Variants in CLEC12B observed in about 807,000 individuals in gnomAD.
CLEC12B encodes C-type lectin domain family 12 member B.
Under a neutral mutation model 36.1 loss-of-function variants are expected in CLEC12B, and 25 were observed. The observed-to-expected ratio is 0.69, with a 90% CI of 0.50 to 0.97. The LOEUF (loss-of-function observed/expected upper bound fraction) is 0.97. CLEC12B is among the 50% of genes least tolerant of loss of function. The pLI, the probability that CLEC12B is intolerant of heterozygous loss-of-function variation, is 0.00. For missense variants in CLEC12B, 325 were observed against 318.4 expected (o/e 1.02, Z -0.16); for synonymous variants, 110 against 108.5 (o/e 1.01, Z -0.09).
chr12:10,011,504 T>A (rs1865326941), intron 1 of CLEC12B, among the ~76,000 whole-genome samples: 1 of 151,638 alleles, frequency 6.6e-6, no homozygotes, highest in Admixed American at 6.6e-5. Context: ...AAACTGAGGG[T>A]GAGAGAAATT....
At position 10,018,487 on chromosome 12, in the gene CLEC12B, T is replaced by C; in HGVS notation, c.*6T>C. On this transcript the variant is annotated 3_prime_UTR_variant, in exon 6 of 6. Coordinates refer to ENST00000338896, the MANE Select transcript of CLEC12B (RefSeq NM_001129998.3). ...AGACTGAGGATTTGGATTAGTATGC[T>C]TCTTCCAAATTCTCCAAGAAGTAAG... 2 of 1,547,222 alleles carry C rather than the reference T, an allele frequency of 1.3e-6. No homozygotes were observed. The highest frequency in any genetic ancestry group is 1.2e-5 in the South Asian group (1 of 82,852).
At chr12:10,008,391 G>A (rs577628534), upstream of CLEC12B, among the ~76,000 whole-genome samples, 6 of 152,174 alleles carry the variant, frequency 3.9e-5, no homozygotes, top group African/African-American at 1.4e-4. Context: ...GGTTATTGGA[G>A]GCAAATTCAA....
intron 1 of CLEC12B, among the ~76,000 whole-genome samples, chr12:10,012,405 TTTA>T (rs1253289968): frequency 6.6e-6 from 1 of 152,132 alleles, no homozygotes; most frequent in African/African-American, 2.4e-5. Context: ...TCCTTTTTAT[TTTA>T]TTATTATTAT....
In CLEC12B at chr12:10,015,281, T is replaced by G; in HGVS notation, c.439T>G (p.Trp147Gly). ...CAGATGTAATCCATGTCCTAAGATG[T>G]GGCAATGGTACCAAAATAGTTGCTA... is the stretch of plus-strand genomic sequence containing the variant. ...DHRCNPCPKMWQWYQNSCYYF... is the reference protein window; with the variant it reads ...DHRCNPCPKMGQWYQNSCYYF... The change falls in exon 4 of 6, where the codon TGG becomes GGG. Residue 147 changes from tryptophan (W) to glycine (G), a missense_variant. Trp to Gly is a radical substitution (Grantham distance 184). Coordinates refer to ENST00000338896, the MANE Select transcript of CLEC12B (RefSeq NM_001129998.3). 1 of 1,613,060 alleles carries G rather than the reference T, an allele frequency of 6.2e-7. No individual in the cohort carries two copies. Among genetic ancestry groups the G allele is most frequent in the Admixed American group, 1.7e-5 (1 of 59,988 alleles).
In CLEC12B at chr12:10,015,404, AAGGT is replaced by A. The variant is rs754737480; in HGVS notation, c.564+2_564+5del. The A allele has an allele frequency of 4.3e-6, 7 of 1,611,052 alleles. No homozygotes were observed. The Admixed American group carries it at 8.4e-5, about 19-fold the overall frequency. ...AGTGAAGATAGACAGTTTGGAAGAA[AAGGT>A]AGGATTGAGTCTCATTCTCTAGTTA... On this transcript the variant is annotated splice_donor_variant and coding_sequence_variant, in exon 4 of 6. Transcript: ENST00000338896. LOFTEE classifies it high-confidence loss of function.
At position 10,015,296 on chromosome 12, in the gene CLEC12B, A is replaced by G; in HGVS notation, c.454A>G (p.Asn152Asp). The change falls in exon 4 of 6, where the codon AAT becomes GAT. Residue 152 changes from asparagine to aspartate, a missense_variant. Transcript: ENST00000338896. ...TCCTAAGATGTGGCAATGGTACCAAAATAGTTGCTACTATTTTACAACAAA... is the reference window on the plus strand; with the variant it reads ...TCCTAAGATGTGGCAATGGTACCAAGATAGTTGCTACTATTTTACAACAAA... ...PCPKMWQWYQNSCYYFTTNEE... is the reference protein window; with the variant it reads ...PCPKMWQWYQDSCYYFTTNEE... 6.2e-7 allele frequency: 1 copy of G among 1,613,490 alleles called. No individual in the cohort carries two copies. Among genetic ancestry groups the G allele is most frequent in the Middle Eastern group, 1.7e-4 (1 of 6,056 alleles).
chr12:10,014,626 C>G lies in CLEC12B; in HGVS notation c.294C>G (p.Asn98Lys). The change falls in exon 3 of 6, where the codon AAC becomes AAG. Residue 98 changes from asparagine (N) to lysine (K), a missense_variant. Transcript: ENST00000338896. ...ATAACTTATCCCAGCAACTGGGCAA[C>G]TCCAACAACTTGTCCATGGAGGAGG... ...QQDNLSQQLGNSNNLSMEEEF... is the reference protein window; with the variant it reads ...QQDNLSQQLGKSNNLSMEEEF... The G allele has an allele frequency of 6.2e-7, 1 of 1,613,684 alleles. No individual in the cohort carries two copies.
intron 4 of CLEC12B, 101 bp from the exon 5 acceptor site, chr12:10,015,511 T>C: frequency 1.3e-6 from 2 of 1,564,836 alleles, no homozygotes; most frequent in East Asian, 4.5e-5. Flanking sequence ...CATCTTGAAT[T>C]AGAATTAATA....
At chr12:10,007,478 T>C (rs541199456), upstream of CLEC12B, among the ~76,000 whole-genome samples, 13 of 152,290 alleles carry the variant, frequency 8.5e-5, no homozygotes, top group South Asian at 2.5e-3. Flanking sequence ...GCTGTTTTGG[T>C]ATATTTGACT....
intron 3 of CLEC12B, 92 bp downstream of exon 3, chr12:10,014,833 T>A (rs999641076): frequency 7.5e-6 from 6 of 804,822 alleles, no homozygotes; most frequent in Admixed American, 2.3e-5. Context: ...ATTGAGAGAG[T>A]TATGTCATCC....
intron 1 of CLEC12B, 24 bp from the exon 2 acceptor site, chr12:10,012,761 G>C: frequency 6.3e-7 from 1 of 1,585,932 alleles, no homozygotes; most frequent in Non-Finnish European, 8.7e-7. Context: ...TCTGTGTGCT[G>C]ATTGCTCTTT....
Position 10,018,392 on chromosome 12 carries a change from G to A in CLEC12B, c.742G>A (p.Gly248Arg), listed in dbSNP as rs1865539239. ...GSKGCAYFQK[G>R]NIYISRCSAE... Reference sequence around the variant, plus strand: ...CAAAGGATGTGCTTATTTTCAAAAAGGAAATATTTATATTTCTCGCTGTAG... The same window carrying A: ...CAAAGGATGTGCTTATTTTCAAAAAAGAAATATTTATATTTCTCGCTGTAG... The change falls in exon 6 of 6, where the codon GGA becomes AGA. Residue 248 changes from glycine to arginine, a missense_variant. By Grantham distance (125) the Gly-to-Arg change is moderately radical (BLOSUM62 -2). Coordinates refer to ENST00000338896, the MANE Select transcript of CLEC12B (RefSeq NM_001129998.3). 6.5e-7 allele frequency: 1 copy of A among 1,545,360 alleles called. No homozygotes were observed.
chr12:10,012,793 G>T lies in CLEC12B; in HGVS notation c.100G>T (p.Ala34Ser). Reference protein sequence around the residue: ...GNNLRKRGHPAPSPIWRHAAL... With the variant: ...GNNLRKRGHPSPSPIWRHAAL... ...CTTTTGGCTTTCTCCAGGGCATCCA[G>T]CTCCATCTCCCATTTGGCGTCATGC... Residue 34 changes from alanine to serine, a missense_variant, in exon 2 of 6, where the codon GCT becomes TCT. Physicochemically the swap from Ala to Ser is moderately conservative, Grantham distance 99 (BLOSUM62 1). Coordinates refer to ENST00000338896, the MANE Select transcript of CLEC12B (RefSeq NM_001129998.3). 1 of 1,613,222 alleles carries T rather than the reference G, an allele frequency of 6.2e-7. No homozygotes were observed.
chr12:10,014,499 C>T, intron 2 of CLEC12B, 24 bp from the exon 3 acceptor site: 1 of 1,508,936 alleles, frequency 6.6e-7, no homozygotes, highest in South Asian at 1.1e-5. Context: ...AATATATGAA[C>T]TTGTCTCCTG....
chr12:10,015,407 G>A lies in CLEC12B; in HGVS notation c.564+1G>A. ...GAAGATAGACAGTTTGGAAGAAAAG[G>A]TAGGATTGAGTCTCATTCTCTAGTT... On this transcript the variant is annotated splice_donor_variant, in intron 4 of 5. Coordinates refer to ENST00000338896, the MANE Select transcript of CLEC12B (RefSeq NM_001129998.3). LOFTEE classifies it high-confidence loss of function. 6.2e-7 allele frequency: 1 copy of A among 1,610,592 alleles called. No individual in the cohort carries two copies.
At chr12:10,014,240 T>A (rs927997931) in intron 2 of CLEC12B, among the ~76,000 whole-genome samples, 1 of 152,080 alleles carries the variant, frequency 6.6e-6, no homozygotes, top group South Asian at 2.1e-4. Flanking sequence ...TTCATGAAAA[T>A]GAGTGGCAGA....
chr12:10,014,838 T>C (rs181421018), intron 3 of CLEC12B, 97 bp downstream of exon 3: 2 of 761,750 alleles, frequency 2.6e-6, no homozygotes, highest in Admixed American at 2.4e-5. Context: ...GAGAGTTATG[T>C]CATCCAGTGA....
intron 1 of CLEC12B, among the ~76,000 whole-genome samples, chr12:10,012,352 T>C (rs1310139058): frequency 6.6e-6 from 1 of 152,132 alleles, no homozygotes; most frequent in Non-Finnish European, 1.5e-5. Context: ...GGAAGAAAAG[T>C]GGGCAATGAT....
In CLEC12B at chr12:10,012,869, C is replaced by T. The variant is rs548177500; in HGVS notation, c.176C>T (p.Thr59Ile). The change falls in exon 2 of 6, where the codon ACA becomes ATA. Residue 59 changes from threonine (T) to isoleucine (I), a missense_variant. Thr to Ile is a moderately conservative substitution (Grantham distance 89). Coordinates refer to ENST00000338896, the MANE Select transcript of CLEC12B (RefSeq NM_001129998.3). ...LCLMLLIGLV[T>I]LGMMFLQISN... is the part of the protein sequence containing the mutation. ...CTGATGTTGCTGATTGGGCTGGTGA[C>T]ATTGGGGATGATGTGTAAGTATATC... The T allele has an allele frequency of 2.8e-5, 45 of 1,611,916 alleles. No individual in the cohort carries two copies. In the South Asian group the frequency reaches 3.0e-4, roughly 11 times the overall value.
Sources: gnomAD v4.1 joint callset for allele counts (sites outside exome capture counted in the v4.1 genomes callset) on GRCh38, gnomAD v4.1.1 for gene constraint, MANE v1.5 for transcripts, NCBI Gene and HGNC (gene_info 2026-07-23, HGNC 2026-07-21) for gene names.